Variants in CELSR2 observed in about 807,000 individuals in gnomAD.
CELSR2 encodes the protein cadherin EGF LAG seven-pass G-type receptor 2.
A neutral mutation model predicts 251.6 loss-of-function variants in CELSR2; 81 were observed. The ratio of observed to expected loss-of-function variants is 0.32; its 90% CI spans 0.27 to 0.39. The LOEUF (loss-of-function observed/expected upper bound fraction) is 0.39, where lower values mean the gene tolerates loss of function less well. Ranked by LOEUF, CELSR2 falls within the 10% of genes least tolerant of loss-of-function variation. The probability of loss-of-function intolerance (pLI) is 1.00; values close to 1 mark genes in which losing one functional copy is unlikely to be tolerated. For missense variants in CELSR2, 3,365 were observed against 3,947.7 expected (o/e 0.85, Z 3.96); for synonymous variants, 1,721 against 1,670.5 (o/e 1.03, Z -0.74).
chr1:109,255,470 A>G lies in CELSR2; in HGVS notation c.3310+2081A>G, dbSNP rs996435652. Among the ~76,000 whole-genome samples, 11 of 152,170 alleles carry G rather than the reference A, an allele frequency of 7.2e-5. No homozygotes were observed. The East Asian group carries it at 7.8e-4, about 11-fold the overall frequency. ...GGCCGATGGCTCCCCTGGAGGCTGA[A>G]TTCTCCTCGCCTCTTTCTTCCTCTG... On this transcript the variant is annotated intron_variant, in intron 1 of 33. Coordinates refer to ENST00000271332, the MANE Select transcript of CELSR2 (RefSeq NM_001408.3).
At position 109,252,479 on chromosome 1, in the gene CELSR2, C is replaced by T; in HGVS notation, c.2400C>T (p.Tyr800=). ...NGIPQKSDTT[Y]LEILVNDVND... is the part of the protein sequence containing the mutation. ...TTCCCCAGAAGTCCGACACCACCTA[C>T]CTGGAGATCCTGGTGAACGACGTGA... The change falls in exon 1 of 34, where the codon TAC becomes TAT. Residue 800 remains tyrosine, a synonymous_variant. Transcript: ENST00000271332. The surrounding 1 kb of genome is among the most constrained non-coding windows in gnomAD (Gnocchi z 4.8). 1 of 1,613,874 alleles carries T rather than the reference C, an allele frequency of 6.2e-7. No individual in the cohort carries two copies. The highest frequency in any genetic ancestry group is 1.3e-5 in the African/African-American group (1 of 75,048).
chr1:109,274,558 T>C lies in CELSR2; in HGVS notation c.*509T>C. 5.9e-6 allele frequency: 1 copy of C among 170,052 alleles called. No individual in the cohort carries two copies. Among genetic ancestry groups the C allele is most frequent in the South Asian group, 1.6e-4 (1 of 6,216 alleles). The allele number at this position is 170,052 out of a possible 1,614,324, so 10.5% of individuals were successfully genotyped here. A position where few individuals can be genotyped will look rare whatever the true frequency, so the allele number is the denominator to read the frequency against. ...GGACAAAGCCACACGCAGCCAGGGC[T>C]TCACACCCTTCAGGCTGCACCCGGG... On this transcript the variant is annotated 3_prime_UTR_variant, in exon 34 of 34. Coordinates refer to ENST00000271332, the MANE Select transcript of CELSR2 (RefSeq NM_001408.3).
chr1:109,268,122 C>A (rs1656257079), intron 17 of CELSR2, 62 bp downstream of exon 17: 14 of 1,540,484 alleles, frequency 9.1e-6, no homozygotes, highest in Middle Eastern at 2.4e-4. Context: ...TGAGCCTGCT[C>A]ATGGCAACCT....
chr1:109,270,499 C>A lies in CELSR2; in HGVS notation c.7382C>A (p.Ala2461Asp). 6.2e-7 allele frequency: 1 copy of A among 1,614,216 alleles called. No individual in the cohort carries two copies. The highest frequency in any genetic ancestry group is 1.1e-5 in the South Asian group (1 of 91,090). ...LCTFSWALLE[A>D]LHLYRALTEV... ...ACCTTTTCCTGGGCTCTGCTGGAGG[C>A]CTTGCACCTGTACCGGGCACTCACT... The change falls in exon 24 of 34, where the codon GCC becomes GAC. Residue 2461 changes from alanine to aspartate, a missense_variant. Coordinates refer to ENST00000271332, the MANE Select transcript of CELSR2 (RefSeq NM_001408.3).
In CELSR2 at chr1:109,250,231, G is replaced by T. The variant is rs1031328247; in HGVS notation, c.152G>T (p.Cys51Phe). 1.2e-6 allele frequency: 2 copies of T among 1,604,650 alleles called. No homozygotes were observed. Among genetic ancestry groups the T allele is most frequent in the African/African-American group, 2.7e-5 (2 of 74,440 alleles). The change falls in exon 1 of 34, where the codon TGC becomes TTC. Residue 51 changes from cysteine to phenylalanine, a missense_variant. By Grantham distance (205) the Cys-to-Phe change is radical. This residue lies in a region of CELSR2 where 704 missense variants were observed against 784.1 expected (regional missense o/e 0.90). Transcript: ENST00000271332. This position sits in a 1 kb window ranked among gnomAD's most constrained non-coding sequence, Gnocchi z 4.4. ...AGGGGACGAGGCTCTTCGGGGGCCT[G>T]CGCCCCCATGGGCTGGCTCTGTCCA... The part of the protein sequence containing the change: ...GSRGRGSSGA[C>F]APMGWLCPSS...
At chr1:109,266,490 T>G (rs955575899) in intron 15 of CELSR2, 4 of 244,020 alleles carry the variant, frequency 1.6e-5, no homozygotes, top group Non-Finnish European at 3.1e-5. Context: ...CTCCGCTCGC[T>G]GCAACCTCTG....
Position 109,261,794 on chromosome 1 carries a change from G to C in CELSR2, c.4298-14G>C, listed in dbSNP as rs1416884777. 3 of 1,583,512 alleles carry C rather than the reference G, an allele frequency of 1.9e-6. No individual in the cohort carries two copies. The highest frequency in any genetic ancestry group is 2.6e-6 in the Non-Finnish European group (3 of 1,162,824). On this transcript the variant is annotated splice_polypyrimidine_tract_variant and intron_variant, in intron 4 of 33. Transcript: ENST00000271332. The surrounding 1 kb of genome is among the most constrained non-coding windows in gnomAD (Gnocchi z 4.8). ...CCTCGTCAGGCATTCCAGCTCACCTGGTCCTTTCCCCAGGGGAGTCAACCA... is the reference window on the plus strand; with the variant it reads ...CCTCGTCAGGCATTCCAGCTCACCTCGTCCTTTCCCCAGGGGAGTCAACCA...
In CELSR2 at chr1:109,272,868, G is replaced by A. The variant is rs1264843323; in HGVS notation, c.8179G>A (p.Glu2727Lys). The A allele has an allele frequency of 6.2e-7, 1 of 1,613,870 alleles. No individual in the cohort carries two copies. Among genetic ancestry groups the A allele is most frequent in the Non-Finnish European group, 8.5e-7 (1 of 1,179,966 alleles). Reference protein sequence around the residue: ...DTDSDSDLSLEDDQSGSYAST... With the variant: ...DTDSDSDLSLKDDQSGSYAST... ...GGACTCCGACAGTGACCTGTCCTTAGAAGACGACCAGAGTGGCTCCTATGC... is the reference window on the plus strand; with the variant it reads ...GGACTCCGACAGTGACCTGTCCTTAAAAGACGACCAGAGTGGCTCCTATGC... Residue 2727 changes from glutamate to lysine, a missense_variant, in exon 31 of 34, where the codon GAA (glutamate) becomes AAA (lysine). Transcript: ENST00000271332.
chr1:109,270,931 A>G lies in CELSR2; in HGVS notation c.7488A>G (p.Leu2496=). 1.2e-6 allele frequency: 2 copies of G among 1,611,488 alleles called. No homozygotes were observed. Among genetic ancestry groups the G allele is most frequent in the Non-Finnish European group, 1.7e-6 (2 of 1,178,224 alleles). ...GWGVPAFITG[L]AVGLDPEGYG... ...CCGTCTGTCTCCATGCTCCAGGGCT[A>G]GCCGTGGGCCTGGACCCCGAGGGCT... The change falls in exon 25 of 34, where the codon CTA becomes CTG. Residue 2496 remains leucine, a synonymous_variant. Transcript: ENST00000271332.
chr1:109,269,028 T>G lies in CELSR2; in HGVS notation c.6631+20T>G. 1.2e-6 allele frequency: 2 copies of G among 1,605,070 alleles called. No individual in the cohort carries two copies. Among genetic ancestry groups the G allele is most frequent in the Non-Finnish European group, 1.7e-6 (2 of 1,173,318 alleles). ...TCAGAGGTCAGTGGTGGCCATGGAT[T>G]GAGTTGGGAGCTGGACCCCAGTGTC... On this transcript the variant is annotated intron_variant, in intron 19 of 33. Coordinates refer to ENST00000271332, the MANE Select transcript of CELSR2 (RefSeq NM_001408.3). This position sits in a 1 kb window ranked among gnomAD's most constrained non-coding sequence, Gnocchi z 6.4.
At chr1:109,271,324 C>G in intron 26 of CELSR2, 28 bp downstream of exon 26, 1 of 1,613,722 alleles carries the variant, frequency 6.2e-7, no homozygotes, top group Non-Finnish European at 8.5e-7. Flanking sequence ...GTGCCTGGGC[C>G]ATGGGCAGGC....
chr1:109,262,572 G>A lies in CELSR2; in HGVS notation c.4544+128G>A, dbSNP rs578136347. The A allele has an allele frequency of 7.7e-5, 108 of 1,407,592 alleles. No individual in the cohort carries two copies. The South Asian group carries it at 1.4e-3, about 18-fold the overall frequency. 87.2% of individuals were successfully genotyped at this position (1,407,592 alleles called of 1,614,324 possible). A position where few individuals can be genotyped will look rare whatever the true frequency, so the allele number is the denominator to read the frequency against. ...CTCTTAGCCCCTGCTCAGCCCTGGGGATGGGGTCAAGACTGGGGAATCAGA... is the reference window on the plus strand; with the variant it reads ...CTCTTAGCCCCTGCTCAGCCCTGGGAATGGGGTCAAGACTGGGGAATCAGA... On this transcript the variant is annotated intron_variant, in intron 6 of 33. Transcript: ENST00000271332.
chr1:109,256,471 T>C (rs1407208247), intron 1 of CELSR2, among the ~76,000 whole-genome samples: 1 of 152,192 alleles, frequency 6.6e-6, no homozygotes, highest in Non-Finnish European at 1.5e-5. Context: ...CGGCTTCAGC[T>C]GAGCCACCGC....
At chr1:109,262,475 G>C (rs1335247913) in intron 6 of CELSR2, 31 bp downstream of exon 6, 3 of 1,607,876 alleles carry the variant, frequency 1.9e-6, no homozygotes, top group Non-Finnish European at 2.5e-6. Flanking sequence ...GGGATGGGGT[G>C]AAGTGAGGGC....
rs1318452566 is a variant in CELSR2, at chr1:109,265,023, G to A, written c.5606+14G>A. 6.2e-7 allele frequency: 1 copy of A among 1,614,052 alleles called. No homozygotes were observed. The highest frequency in any genetic ancestry group is 1.3e-5 in the African/African-American group (1 of 75,034). ...CTGTGAGACCAGGTAAGCAGACCAGGGCATGTGGCAGCAGGTCCCAGTGGC... is the reference window on the plus strand; with the variant it reads ...CTGTGAGACCAGGTAAGCAGACCAGAGCATGTGGCAGCAGGTCCCAGTGGC... On this transcript the variant is annotated intron_variant, in intron 12 of 33. Coordinates refer to ENST00000271332, the MANE Select transcript of CELSR2 (RefSeq NM_001408.3).
intron 2 of CELSR2, among the ~76,000 whole-genome samples, chr1:109,260,185 G>GT (rs1362073320): frequency 2.2e-4 from 24 of 111,116 alleles, no homozygotes; most frequent in African/African-American, 8.0e-4. Context: ...GGGGTTGGGA[G>GT]GGGGGGGGTT....
In CELSR2 at chr1:109,251,998, A is replaced by G. The variant is rs773155424; in HGVS notation, c.1919A>G (p.His640Arg). The change falls in exon 1 of 34, where the codon CAT becomes CGT. Residue 640 changes from histidine (H) to arginine (R), a missense_variant. His to Arg is a conservative substitution (Grantham distance 29). Coordinates refer to ENST00000271332, the MANE Select transcript of CELSR2 (RefSeq NM_001408.3). The surrounding 1 kb of genome is among the most constrained non-coding windows in gnomAD (Gnocchi z 4.9). Reference protein sequence around the residue: ...VTVSAVDRDAHSVITYQITSG... With the variant: ...VTVSAVDRDARSVITYQITSG... ...GTGTCAGCTGTGGACCGTGATGCTC[A>G]TAGTGTCATCACCTACCAGATCACC... 1.2e-5 allele frequency: 19 copies of G among 1,614,102 alleles called. No homozygotes were observed. The highest frequency in any genetic ancestry group is 1.5e-5 in the Non-Finnish European group (18 of 1,180,008).
chr1:109,250,847 C>G lies in CELSR2; in HGVS notation c.768C>G (p.Val256=), dbSNP rs1441365397. Residue 256 remains valine, a synonymous_variant, in exon 1 of 34, where the codon GTC becomes GTG. Coordinates refer to ENST00000271332, the MANE Select transcript of CELSR2 (RefSeq NM_001408.3). This position sits in a 1 kb window ranked among gnomAD's most constrained non-coding sequence, Gnocchi z 4.4. ...ATCGTGAGACCAAGAGCACCCACGT[C>G]TTCAGGGTCACGGCGCAGGACCACG... ...ELDRETKSTH[V]FRVTAQDHGM... is the part of the protein sequence containing the mutation. 3.1e-6 allele frequency: 5 copies of G among 1,614,042 alleles called. No individual in the cohort carries two copies. The South Asian group carries it at 4.4e-5, about 14-fold the overall frequency.
At chr1:109,268,092 T>G in intron 17 of CELSR2, 32 bp downstream of exon 17, 1 of 1,568,528 alleles carries the variant, frequency 6.4e-7, no homozygotes, top group Non-Finnish European at 8.6e-7. Flanking sequence ...GCTGGCTGGT[T>G]AGATAGGGGT....
Sources: allele counts gnomAD v4.1 joint callset (sites outside exome capture counted in the v4.1 genomes callset), GRCh38; gene constraint gnomAD v4.1.1; regional missense constraint gnomAD v4.1.1; non-coding constraint Gnocchi (gnomAD v3.1); transcripts MANE v1.5; gene names NCBI Gene and HGNC (gene_info 2026-07-23, HGNC 2026-07-21).